The following SPEF2 variants were observed in gnomAD, a reference collection of about 807,000 sequenced individuals.
SPEF2 encodes the protein sperm flagellar and cilia associated 2, also known as sperm flagella and cilia-associated protein 2.
Under a neutral mutation model 224.6 loss-of-function variants are expected in SPEF2, and 187 were observed. The observed-to-expected ratio is 0.83, with a 90% confidence interval of 0.74 to 0.94. The LOEUF is 0.94. SPEF2 is among the 40% of genes least tolerant of loss of function. The pLI is 0.00. For missense variants in SPEF2, 2,170 were observed against 2,135.6 expected, an observed-to-expected ratio of 1.02 and a Z score of -0.32; for synonymous variants, 715 against 707.3, an observed-to-expected ratio of 1.01 and a Z score of -0.17.
At chr5:35,667,963 T>C (rs1750737438) in intron 9 of SPEF2, among the ~76,000 whole-genome samples, 1 of 152,092 alleles carries the variant, frequency 6.6e-6, no homozygotes, top group Non-Finnish European at 1.5e-5. Context: ...CAATGATATA[T>C]CATTACACAC....
At chr5:35,772,100 A>T (rs142216021) in intron 27 of SPEF2, among the ~76,000 whole-genome samples, 1 of 152,232 alleles carries the variant, frequency 6.6e-6, no homozygotes, top group Non-Finnish European at 1.5e-5. Flanking sequence ...TTTAAAAGCT[A>T]TGTTTTTAGA....
chr5:35,703,879 T>A (rs1294580223), intron 16 of SPEF2, among the ~76,000 whole-genome samples: 1 of 152,218 alleles, frequency 6.6e-6, no homozygotes, highest in Non-Finnish European at 1.5e-5. Flanking sequence ...CGAACTCTAT[T>A]AATTTGCTAT....
intron 35 of SPEF2, 30 bp downstream of exon 35, chr5:35,806,982 C>T: frequency 6.3e-7 from 1 of 1,578,884 alleles, no homozygotes; most frequent in Non-Finnish European, 8.6e-7. Context: ...AAAAAGTTGG[C>T]CTCAATTCTG....
rs1756203151 is a variant in SPEF2, at chr5:35,793,253, TGGA to T, written c.4657_4659del (p.Glu1553del). On this transcript the variant is annotated inframe_deletion, in exon 32 of 37. Coordinates refer to ENST00000356031, the MANE Select transcript of SPEF2 (RefSeq NM_024867.4). The stretch of plus-strand genomic sequence containing the variant: ...ACCTCAATGCCTTGGCCCATTCCCT[TGGA>T]GGAGGAGCTCCTTGAGACCCTTCAG... The T allele has an allele frequency of 3.1e-6, 5 of 1,614,072 alleles. No homozygotes were observed. The highest frequency in any genetic ancestry group is 4.2e-6 in the Non-Finnish European group (5 of 1,180,028).
intron 8 of SPEF2, among the ~76,000 whole-genome samples, chr5:35,661,746 G>A (rs1262732146): frequency 1.3e-5 from 2 of 152,078 alleles, no homozygotes; most frequent in Non-Finnish European, 1.5e-5. Context: ...TCTCTGCAAA[G>A]GACATGATCT....
chr5:35,671,183 A>T, intron 10 of SPEF2: 2 of 985,424 alleles, frequency 2.0e-6, no homozygotes, highest in Non-Finnish European at 2.4e-6. Flanking sequence ...CTGATAGTAC[A>T]TACTCAACAA....
chr5:35,786,641 A>G (rs1041568597), intron 30 of SPEF2, among the ~76,000 whole-genome samples: 1 of 152,164 alleles, frequency 6.6e-6, no homozygotes, highest in African/African-American at 2.4e-5. Context: ...GCCCTGGGCG[A>G]CAGCGGGAGA....
intron 30 of SPEF2, chr5:35,788,060 G>T (rs1487987499): frequency 1.7e-5 from 12 of 702,830 alleles, no homozygotes; most frequent in Non-Finnish European, 2.9e-5. Flanking sequence ...GAAGTCAGGG[G>T]GAAGTCAAGT....
intron 36 of SPEF2, among the ~76,000 whole-genome samples, chr5:35,811,668 T>C (rs1758539718): frequency 6.6e-6 from 1 of 151,428 alleles, no homozygotes; most frequent in African/African-American, 2.4e-5. Flanking sequence ...ATAAAGTGTT[T>C]AACTCAGTTC....
intron 30 of SPEF2, chr5:35,787,954 T>C: frequency 3.2e-6 from 2 of 629,578 alleles, no homozygotes; most frequent in Non-Finnish European, 5.7e-6. Context: ...AAAGAAGCCA[T>C]CAATTTTTGA....
intron 30 of SPEF2, among the ~76,000 whole-genome samples, chr5:35,785,327 CAAATGTGTCTTCAGAATG>C (rs145803515): frequency 0.02 from 3,054 of 152,170 alleles, 75 homozygotes; most frequent in South Asian, 0.053. Context: ...AGTAGAGTTT[CAAATGTGTCTTCAGAATG>C]AAACACACAG....
intron 6 of SPEF2, among the ~76,000 whole-genome samples, chr5:35,653,991 G>A (rs1748592825): frequency 6.7e-6 from 1 of 149,268 alleles, no homozygotes; most frequent in Admixed American, 6.7e-5. Flanking sequence ...TGGGCACAGT[G>A]GCTCATGCCT....
At chr5:35,635,994 T>C (rs559810302) in intron 2 of SPEF2, among the ~76,000 whole-genome samples, 3 of 152,314 alleles carry the variant, frequency 2.0e-5, no homozygotes, top group African/African-American at 7.2e-5. Flanking sequence ...TCATACTTTC[T>C]TGTTTCTTTG....
At chr5:35,767,294 A>T (rs1468704851) in intron 26 of SPEF2, among the ~76,000 whole-genome samples, 1 of 151,950 alleles carries the variant, frequency 6.6e-6, no homozygotes, top group Non-Finnish European at 1.5e-5. Context: ...CTGTATATAT[A>T]GTGCTTTTGT....
chr5:35,711,822 A>G (rs941252611), intron 19 of SPEF2, among the ~76,000 whole-genome samples: 3 of 152,146 alleles, frequency 2.0e-5, no homozygotes, highest in African/African-American at 7.2e-5. Flanking sequence ...TCTAAATACA[A>G]AAAAATAGGT....
At chr5:35,776,425 T>C (rs2088000539) in intron 29 of SPEF2, 30 bp downstream of exon 29, 22 of 1,580,342 alleles carry the variant, frequency 1.4e-5, no homozygotes, top group Admixed American at 2.0e-5. Flanking sequence ...TCTGAAAATA[T>C]GCTTTGTGTA....
intron 21 of SPEF2, among the ~76,000 whole-genome samples, chr5:35,738,993 C>A (rs553044978): frequency 6.6e-6 from 1 of 152,250 alleles, no homozygotes; most frequent in South Asian, 2.1e-4. Flanking sequence ...TTGCAGAATT[C>A]ATGTTGCTCA....
intron 30 of SPEF2, chr5:35,788,103 C>T (rs1321425053): frequency 1.4e-6 from 1 of 702,898 alleles, no homozygotes; most frequent in Non-Finnish European, 2.6e-6. Context: ...AACTTTAGGA[C>T]TGAATTTCTC....
At chr5:35,653,220 C>T (rs185454231) in intron 6 of SPEF2, among the ~76,000 whole-genome samples, 149 of 152,268 alleles carry the variant, frequency 9.8e-4, no homozygotes, top group Admixed American at 1.8e-3. Context: ...TGATCCTTTA[C>T]GTTTTGGACA....
Sources: allele counts gnomAD v4.1 joint callset (sites outside exome capture counted in the v4.1 genomes callset), GRCh38; gene constraint gnomAD v4.1.1; transcripts MANE v1.5; gene names NCBI Gene and HGNC (gene_info 2026-07-23, HGNC 2026-07-21).